Variants in RPH3A observed in about 807,000 individuals in gnomAD.
RPH3A encodes the protein rabphilin-3A.
Under a neutral mutation model 102.2 loss-of-function variants are expected in RPH3A, and 48 were observed. That is an observed-to-expected ratio of 0.47 (90% CI 0.37 to 0.60). The LOEUF (loss-of-function observed/expected upper bound fraction) is 0.60, where lower values mean the gene tolerates loss of function less well. RPH3A is among the 20% of genes least tolerant of loss of function. RPH3A has a pLI of 0.00. For synonymous variants in RPH3A, 310 were observed against 324.3 expected (o/e 0.96, Z 0.47); for missense variants, 781 against 910.1 (o/e 0.86, Z 1.83).
chr12:112,865,258 T>C (rs1223161840), intron 5 of RPH3A, among the ~76,000 whole-genome samples, 156 bp from the exon 6 acceptor site: 1 of 152,190 alleles, frequency 6.6e-6, no homozygotes, highest in Admixed American at 6.5e-5. Context: ...GAATTTTATG[T>C]GCATGTGCCT....
intron 1 of RPH3A, 56 bp downstream of exon 1, chr12:112,792,068 G>T (rs1406640759): frequency 6.6e-6 from 1 of 152,162 alleles, no homozygotes; most frequent in East Asian, 1.9e-4. Context: ...GTGTCTGTGT[G>T]TCTACGTGTG....
intron 1 of RPH3A, among the ~76,000 whole-genome samples, chr12:112,595,345 C>G (rs2039509553): frequency 6.6e-6 from 1 of 152,134 alleles, no homozygotes; most frequent in Admixed American, 6.6e-5. Flanking sequence ...CATAACCTAG[C>G]CTAACCTGAC....
chr12:112,813,617 G>A (rs1460497683), intron 2 of RPH3A, among the ~76,000 whole-genome samples: 1 of 152,212 alleles, frequency 6.6e-6, no homozygotes, highest in Non-Finnish European at 1.5e-5. Flanking sequence ...TGTGATTCGG[G>A]AGAGGTGCGG....
At chr12:112,735,345 T>C (rs1390654961) in intron 1 of RPH3A, among the ~76,000 whole-genome samples, 2 of 152,120 alleles carry the variant, frequency 1.3e-5, no homozygotes, top group South Asian at 4.1e-4. Context: ...GGAAAAGGCA[T>C]GGAGAGATGT....
intron 13 of RPH3A, among the ~76,000 whole-genome samples, chr12:112,878,566 C>T (rs922391571): frequency 3.3e-5 from 5 of 152,134 alleles, no homozygotes; most frequent in South Asian, 2.1e-4. Flanking sequence ...GAATTCATTT[C>T]GAGTGGAGAC....
At position 112,875,031 on chromosome 12, in the gene RPH3A, C is replaced by T. The variant is rs1019704105; in HGVS notation, c.797-53C>T. 8.4e-5 allele frequency: 117 copies of T among 1,392,090 alleles called. 1 individual carries two copies. The highest frequency in any genetic ancestry group is 7.1e-4 in the Middle Eastern group (4 of 5,604). The allele number at this position is 1,392,090 out of a possible 1,614,324, so 86.2% of individuals were successfully genotyped here. A position where few individuals can be genotyped will look rare whatever the true frequency, so the allele number is the denominator to read the frequency against. ...CTGAGTGGTCCCAAGCTCCTTCCTG[C>T]TGTGTGTGTGTGTGTGACACATAAT... On this transcript the variant is annotated intron_variant, in intron 10 of 21. Transcript: ENST00000389385.
chr12:112,853,065 C>T (rs1476236636), intron 5 of RPH3A, among the ~76,000 whole-genome samples: 1 of 152,228 alleles, frequency 6.6e-6, no homozygotes, highest in Non-Finnish European at 1.5e-5. Context: ...CAGGATCTGT[C>T]ACACCCCTAT....
chr12:112,692,045 G>C (rs1009969548), intron 1 of RPH3A, among the ~76,000 whole-genome samples: 1 of 152,172 alleles, frequency 6.6e-6, no homozygotes, highest in African/African-American at 2.4e-5. Context: ...GAACCGGAGG[G>C]TACTATGTTA....
chr12:112,827,146 T>C (rs1047867146), intron 2 of RPH3A, among the ~76,000 whole-genome samples: 5 of 152,202 alleles, frequency 3.3e-5, no homozygotes, highest in Non-Finnish European at 5.9e-5. Context: ...CTCACAGAGT[T>C]GTGGATCCAT....
At chr12:112,829,317 A>T (rs903168857) in intron 3 of RPH3A, among the ~76,000 whole-genome samples, 1 of 149,508 alleles carries the variant, frequency 6.7e-6, no homozygotes, top group Non-Finnish European at 1.5e-5. Flanking sequence ...TCCTTTGCCC[A>T]GGCTGAAGCG....
chr12:112,578,945 A>G (rs2039377451), intron 1 of RPH3A, among the ~76,000 whole-genome samples: 2 of 152,138 alleles, frequency 1.3e-5, no homozygotes, highest in Non-Finnish European at 2.9e-5. Flanking sequence ...TTTACATGAA[A>G]TCTTCCAATT....
chr12:112,630,412 T>G (rs2135985551), intron 1 of RPH3A, among the ~76,000 whole-genome samples: 1 of 152,248 alleles, frequency 6.6e-6, no homozygotes, highest in Admixed American at 6.5e-5. Context: ...ACAGGTGTGG[T>G]CTTTAGGTGG....
chr12:112,657,151 G>A (rs539193713), intron 1 of RPH3A, among the ~76,000 whole-genome samples: 1 of 151,944 alleles, frequency 6.6e-6, no homozygotes. Flanking sequence ...GTGTAAGATG[G>A]GATCTCATTG....
At chr12:112,824,996 C>T (rs540341918) in intron 2 of RPH3A, among the ~76,000 whole-genome samples, 19 of 151,680 alleles carry the variant, frequency 1.3e-4, no homozygotes, top group African/African-American at 4.4e-4. Flanking sequence ...GAAGATGAAA[C>T]CTTCAGTTAC....
At chr12:112,582,998 G>A (rs746032211) in intron 1 of RPH3A, among the ~76,000 whole-genome samples, 1 of 152,116 alleles carries the variant, frequency 6.6e-6, no homozygotes, top group Non-Finnish European at 1.5e-5. Context: ...AACTTGCTGG[G>A]TGGGTGGCTT....
chr12:112,732,436 C>A (rs2040641124), intron 1 of RPH3A, among the ~76,000 whole-genome samples: 1 of 152,210 alleles, frequency 6.6e-6, no homozygotes, highest in Admixed American at 6.5e-5. Context: ...ATAATTCCTA[C>A]TTTCTGGGGT....
chr12:112,887,325 C>G (rs2043017875), intron 16 of RPH3A, among the ~76,000 whole-genome samples: 1 of 152,230 alleles, frequency 6.6e-6, no homozygotes, highest in African/African-American at 2.4e-5. Context: ...ATAAGTTATA[C>G]TGTGCATGGA....
intron 1 of RPH3A, among the ~76,000 whole-genome samples, chr12:112,735,966 C>A (rs2040666701): frequency 6.6e-6 from 1 of 152,208 alleles, no homozygotes; most frequent in African/African-American, 2.4e-5. Context: ...GAGACATGTT[C>A]TCTAAACGTG....
At chr12:112,712,964 TTTCTTCTTCTTTCTTCTTCGTCGTCTTTG>T in intron 1 of RPH3A, among the ~76,000 whole-genome samples, 1 of 70,322 alleles carries the variant, frequency 1.4e-5, no homozygotes, top group East Asian at 6.2e-4. Flanking sequence ...CTTCTTCTTC[TTTCTTCTTCTTTCTTCTTCGTCGTCTTTG>T]TCTTCCTCTT....
Sources: allele counts gnomAD v4.1 joint callset (sites outside exome capture counted in the v4.1 genomes callset), GRCh38; gene constraint gnomAD v4.1.1; transcripts MANE v1.5; gene names NCBI Gene and HGNC (gene_info 2026-07-23, HGNC 2026-07-21).